Variants in HTR2C observed in about 807,000 individuals in gnomAD.
HTR2C encodes 5-hydroxytryptamine receptor 2C, also known as 5-hydroxytryptamine (serotonin) receptor 2C, G protein-coupled.
A neutral mutation model predicts 21.0 loss-of-function variants in HTR2C; 5 were observed. The observed-to-expected ratio is 0.24, with a 90% CI of 0.12 to 0.50. HTR2C has a LOEUF of 0.50. Ranked by LOEUF, HTR2C falls within the 20% of genes least tolerant of loss-of-function variation. The probability of loss-of-function intolerance (pLI) is 0.98; values close to 1 mark genes in which losing one functional copy is unlikely to be tolerated. For missense variants in HTR2C, 271 were observed against 371.2 expected, an observed-to-expected ratio of 0.73 and a Z score of 2.22; for synonymous variants, 150 against 145.3, an observed-to-expected ratio of 1.03 and a Z score of -0.23.
chrX:114,687,354 C>G (rs1931951352), intron 2 of HTR2C, among the ~76,000 whole-genome samples: 1 of 112,291 alleles, frequency 8.9e-6, no homozygotes, highest in African/African-American at 3.2e-5. Context: ...ATTTTATGTA[C>G]TTTCATTGAT....
chrX:114,697,168 G>A (rs1556415994), intron 2 of HTR2C, among the ~76,000 whole-genome samples: 1 of 112,103 alleles, frequency 8.9e-6, no homozygotes, highest in African/African-American at 3.2e-5. Context: ...CAAAGTCTCA[G>A]AGGAATTTCA....
At position 114,796,409 on chromosome X, in the gene HTR2C, G is replaced by A. The variant is rs782153932; in HGVS notation, c.350-51594G>A. 1.2e-4 allele frequency among the ~76,000 whole-genome samples: 13 copies of A among 111,530 alleles called. No homozygotes were observed. The South Asian group carries it at 4.8e-3, about 41-fold the overall frequency. ...GGCAGTGTGAATTCCGTTTTGGACAGGTAAGGCTGTTAAATGCAGCAGAGG... is the reference window on the plus strand; with the variant it reads ...GGCAGTGTGAATTCCGTTTTGGACAAGTAAGGCTGTTAAATGCAGCAGAGG... On this transcript the variant is annotated intron_variant, in intron 4 of 5. Coordinates refer to ENST00000276198, the MANE Select transcript of HTR2C (RefSeq NM_000868.4).
intron 2 of HTR2C, among the ~76,000 whole-genome samples, chrX:114,682,934 A>G (rs1180856547): frequency 8.9e-6 from 1 of 111,869 alleles, no homozygotes; most frequent in Non-Finnish European, 1.9e-5. Flanking sequence ...ACATTATTCA[A>G]CTGTATCTAG....
intron 2 of HTR2C, among the ~76,000 whole-genome samples, chrX:114,720,202 C>A (rs1413000901): frequency 6.3e-5 from 7 of 110,902 alleles, no homozygotes; most frequent in Admixed American, 4.8e-4. Context: ...CTCTCTCTCT[C>A]ACACAGAATA....
chrX:114,651,034 G>A (rs1930549529), intron 2 of HTR2C, among the ~76,000 whole-genome samples: 1 of 111,965 alleles, frequency 8.9e-6, no homozygotes, highest in South Asian at 3.7e-4. Context: ...TTGCATGTAT[G>A]AACTCCGTTA....
intron 4 of HTR2C, among the ~76,000 whole-genome samples, chrX:114,829,460 G>T (rs6644093): frequency 0.12 from 13,196 of 106,774 alleles, 748 homozygotes; most frequent in South Asian, 0.33. Flanking sequence ...ATAGCACTCT[G>T]ATGCAGAAAA....
At chrX:114,698,002 G>A (rs116057939) in intron 2 of HTR2C, among the ~76,000 whole-genome samples, 4 of 111,597 alleles carry the variant, frequency 3.6e-5, no homozygotes, top group Non-Finnish European at 5.6e-5. Flanking sequence ...AGTCAATAGC[G>A]GACTCAGTTC....
In HTR2C at chrX:114,638,356, T is replaced by C. The variant is rs1222487620; in HGVS notation, c.-80+24475T>C. On this transcript the variant is annotated intron_variant, in intron 2 of 5. Coordinates refer to ENST00000276198, the MANE Select transcript of HTR2C (RefSeq NM_000868.4). ...TGTCTGTCACTGTCCATCTTTGAAA[T>C]GCAGAGGTATGAGATGTTATATAAC... 1.9e-4 allele frequency among the ~76,000 whole-genome samples: 21 copies of C among 111,203 alleles called. No individual in the cohort carries two copies. The Admixed American group carries it at 1.9e-3, about 10-fold the overall frequency.
At chrX:114,674,375 A>T (rs1245400106) in intron 2 of HTR2C, among the ~76,000 whole-genome samples, 3 of 112,186 alleles carry the variant, frequency 2.7e-5, no homozygotes, top group Non-Finnish European at 3.8e-5. Flanking sequence ...AACTTTAGGG[A>T]AACTTCTGAC....
intron 4 of HTR2C, among the ~76,000 whole-genome samples, chrX:114,785,670 C>A (rs1341201321): frequency 9.0e-6 from 1 of 111,632 alleles, no homozygotes; most frequent in Non-Finnish European, 1.9e-5. Flanking sequence ...AAGTACAAAA[C>A]TATGAGGATT....
At chrX:114,677,998 G>A (rs1393463032) in intron 2 of HTR2C, among the ~76,000 whole-genome samples, 2 of 109,004 alleles carry the variant, frequency 1.8e-5, no homozygotes, top group East Asian at 2.9e-4. Flanking sequence ...AGATAAGATC[G>A]TTCAGTACTG....
intron 2 of HTR2C, among the ~76,000 whole-genome samples, chrX:114,644,779 T>C (rs1930299639): frequency 9.1e-6 from 1 of 110,358 alleles, no homozygotes; most frequent in East Asian, 2.8e-4. Flanking sequence ...GGTGGTATCA[T>C]ACTGTGGAAA....
intron 2 of HTR2C, among the ~76,000 whole-genome samples, chrX:114,723,238 T>C (rs1286318696): frequency 9.0e-6 from 1 of 111,317 alleles, no homozygotes; most frequent in Non-Finnish European, 1.9e-5. Context: ...CCTGGTTTAG[T>C]CTTGGGAGAG....
At chrX:114,589,597 G>A (rs1045176134) in intron 1 of HTR2C, 5 of 159,329 alleles carry the variant, frequency 3.1e-5, no homozygotes, top group Admixed American at 1.3e-4. Flanking sequence ...ATCTCTTTCC[G>A]TACCGATAGT....
chrX:114,838,795 A>T (rs922949174), intron 4 of HTR2C, among the ~76,000 whole-genome samples: 11 of 112,285 alleles, frequency 9.8e-5, no homozygotes, highest in African/African-American at 3.2e-4. Flanking sequence ...TTGCTGGCTC[A>T]CATAATTCCA....
At chrX:114,855,848 T>A in intron 5 of HTR2C, among the ~76,000 whole-genome samples, 1 of 92,161 alleles carries the variant, frequency 1.1e-5, no homozygotes, top group Non-Finnish European at 2.1e-5. Flanking sequence ...TAAGTTTTCT[T>A]TCTCCAAACA....
At chrX:114,771,195 C>A (rs1369229589) in intron 4 of HTR2C, among the ~76,000 whole-genome samples, 1 of 111,325 alleles carries the variant, frequency 9.0e-6, no homozygotes, top group Non-Finnish European at 1.9e-5. Flanking sequence ...CAGATCTACT[C>A]CAACCTCTAG....
intron 4 of HTR2C, among the ~76,000 whole-genome samples, chrX:114,826,719 A>T (rs183545487): frequency 9.0e-6 from 1 of 111,090 alleles, no homozygotes; most frequent in East Asian, 2.9e-4. Flanking sequence ...ACAGCATATA[A>T]TTGTGTCTTG....
intron 2 of HTR2C, among the ~76,000 whole-genome samples, chrX:114,717,086 T>C (rs1933013788): frequency 9.4e-6 from 1 of 106,520 alleles, no homozygotes; most frequent in African/African-American, 3.4e-5. Flanking sequence ...CTACAATTTC[T>C]TTTTTTTTTG....
Sources: allele counts gnomAD v4.1 joint callset (sites outside exome capture counted in the v4.1 genomes callset), GRCh38; gene constraint gnomAD v4.1.1; transcripts MANE v1.5; gene names NCBI Gene and HGNC (gene_info 2026-07-23, HGNC 2026-07-21).